Variants in AGMO observed in about 807,000 individuals in gnomAD.
AGMO encodes alkylglycerol monooxygenase.
AGMO carries 75 observed loss-of-function variants against 60.2 expected under a neutral mutation model. The ratio of observed to expected loss-of-function variants is 1.25; its 90% CI spans 1.03 to 1.51. AGMO has a LOEUF of 1.51. Among genes scored for constraint, AGMO ranks in the 40% most tolerant of loss-of-function variants. AGMO has a pLI of 0.00. For synonymous variants in AGMO, 261 were observed against 177.1 expected (o/e 1.47, Z -3.76); for missense variants, 763 against 525.5 (o/e 1.45, Z -4.42).
At chr7:15,241,906 A>C (rs1782602154) in intron 12 of AGMO, among the ~76,000 whole-genome samples, 1 of 152,088 alleles carries the variant, frequency 6.6e-6, no homozygotes, top group Non-Finnish European at 1.5e-5. Flanking sequence ...CAGTTCCTTG[A>C]GGTTACGACT....
At chr7:15,176,669 A>G in the AGMO span, among the ~76,000 whole-genome samples, 1 of 151,960 alleles carries the variant, frequency 6.6e-6, no homozygotes, top group Non-Finnish European at 1.5e-5. Context: ...TAATTTATGT[A>G]CTAGTTGGGT....
chr7:15,130,052 T>C, the AGMO span, among the ~76,000 whole-genome samples: 1 of 152,100 alleles, frequency 6.6e-6, no homozygotes, highest in Admixed American at 6.6e-5. Flanking sequence ...AAGTGCTACA[T>C]GCGATTCCTC....
intron 12 of AGMO, among the ~76,000 whole-genome samples, chr7:15,302,953 T>C (rs986197158): frequency 5.3e-5 from 8 of 152,140 alleles, no homozygotes; most frequent in Admixed American, 5.2e-4. Flanking sequence ...TTGTAATCAG[T>C]ACAAAACCAC....
At position 15,514,607 on chromosome 7, in the gene AGMO, G is replaced by A. The variant is rs117088244; in HGVS notation, c.409+30165C>T. ...GGGCATTTAAAAACTTGGAAAGGAA[G>A]TAAAGAAATGCCTTAAGAGAGTATA... On this transcript the variant is annotated intron_variant, in intron 3 of 12. Coordinates refer to ENST00000342526, the MANE Select transcript of AGMO (RefSeq NM_001004320.2). 3.6e-3 allele frequency among the ~76,000 whole-genome samples: 550 copies of A among 152,204 alleles called. 2 individuals carry two copies. The highest frequency in any genetic ancestry group is 0.012 in the African/African-American group (517 of 41,528).
At position 15,357,079 on chromosome 7, in the gene AGMO, G is replaced by C. The variant is rs1171764637; in HGVS notation, c.1263+8435C>G. ...GCGGAGGATGCAGTGAGCCAAGATT[G>C]CACCATTGCACAGAAGCGAGACTCT... On this transcript the variant is annotated intron_variant, in intron 12 of 12. Coordinates refer to ENST00000342526, the MANE Select transcript of AGMO (RefSeq NM_001004320.2). Among the ~76,000 whole-genome samples, 7 of 150,810 alleles carry C rather than the reference G, an allele frequency of 4.6e-5. No individual in the cohort carries two copies. The South Asian group carries it at 1.5e-3, about 32-fold the overall frequency.
At chr7:15,237,309 C>T (rs1782452542) in intron 12 of AGMO, among the ~76,000 whole-genome samples, 2 of 152,102 alleles carry the variant, frequency 1.3e-5, no homozygotes, top group Admixed American at 6.6e-5. Context: ...GAAACATTTT[C>T]ACTAGAACAG....
At chr7:15,246,431 T>TA (rs1005399290) in intron 12 of AGMO, among the ~76,000 whole-genome samples, 29 of 152,292 alleles carry the variant, frequency 1.9e-4, no homozygotes, top group African/African-American at 7.0e-4. Context: ...GTAGATTTTT[T>TA]AAAAAATTGC....
intron 2 of AGMO, among the ~76,000 whole-genome samples, chr7:15,556,173 C>G (rs1455764385): frequency 6.7e-6 from 1 of 150,314 alleles, no homozygotes; most frequent in African/African-American, 2.4e-5. Flanking sequence ...GGCCCCACCC[C>G]AAAGAGTCAA....
the AGMO span, among the ~76,000 whole-genome samples, chr7:15,150,096 G>T: frequency 6.6e-6 from 1 of 152,048 alleles, no homozygotes; most frequent in African/African-American, 2.4e-5. Flanking sequence ...TTGGCCCTCA[G>T]CTTGGACATT....
chr7:15,451,303 A>G (rs758541749), intron 3 of AGMO, among the ~76,000 whole-genome samples: 5 of 114,756 alleles, frequency 4.4e-5, no homozygotes, highest in Non-Finnish European at 1.0e-4. Context: ...CTATATTTGA[A>G]GAAGATAAAA....
intron 12 of AGMO, 71 bp from the exon 13 acceptor site, chr7:15,201,430 A>T (rs1583287329): frequency 1.8e-6 from 2 of 1,109,644 alleles, no homozygotes; most frequent in African/African-American, 1.6e-5. Flanking sequence ...CTGAATTAAA[A>T]ATATTTCCCT....
intron 12 of AGMO, among the ~76,000 whole-genome samples, chr7:15,215,073 A>G (rs1781697176): frequency 6.6e-6 from 1 of 152,130 alleles, no homozygotes; most frequent in Admixed American, 6.6e-5. Context: ...ACCTTCTGTT[A>G]TAAGTAGAGT....
intron 5 of AGMO, among the ~76,000 whole-genome samples, chr7:15,410,338 C>G (rs1454495342): frequency 1.3e-5 from 2 of 151,676 alleles, no homozygotes; most frequent in African/African-American, 4.8e-5. Flanking sequence ...ATATGTTGAA[C>G]TTGTCATATG....
intron 3 of AGMO, among the ~76,000 whole-genome samples, chr7:15,527,008 CCTGT>C (rs1784145770): frequency 6.6e-6 from 1 of 152,076 alleles, no homozygotes; most frequent in African/African-American, 2.4e-5. Flanking sequence ...CTGCAGTTCC[CCTGT>C]CTTTCTCTCT....
intron 5 of AGMO, among the ~76,000 whole-genome samples, chr7:15,407,146 A>G (rs145663051): frequency 0.095 from 13,377 of 140,176 alleles, 720 homozygotes; most frequent in South Asian, 0.15. Flanking sequence ...ACACATATAG[A>G]TATATGTATA....
At chr7:15,265,407 C>A (rs934712905) in intron 12 of AGMO, among the ~76,000 whole-genome samples, 3 of 151,838 alleles carry the variant, frequency 2.0e-5, no homozygotes, top group African/African-American at 7.3e-5. Context: ...ACCCATGTAA[C>A]AAACCTGCAC....
At chr7:15,211,884 A>G (rs1213994435) in intron 12 of AGMO, among the ~76,000 whole-genome samples, 1 of 152,026 alleles carries the variant, frequency 6.6e-6, no homozygotes, top group East Asian at 1.9e-4. Flanking sequence ...GACAAACATA[A>G]AAAGAATAAC....
intron 2 of AGMO, among the ~76,000 whole-genome samples, chr7:15,558,764 C>T (rs991354344): frequency 6.6e-6 from 1 of 151,978 alleles, no homozygotes; most frequent in Non-Finnish European, 1.5e-5. Flanking sequence ...TTTAAGTTTA[C>T]TTTTATTTAA....
At chr7:15,331,061 T>C (rs578204339) in intron 12 of AGMO, among the ~76,000 whole-genome samples, 1 of 152,230 alleles carries the variant, frequency 6.6e-6, no homozygotes, top group Non-Finnish European at 1.5e-5. Flanking sequence ...AGCTATCCTT[T>C]GAGAACCTTT....
Sources: gnomAD v4.1 joint callset for allele counts (sites outside exome capture counted in the v4.1 genomes callset) on GRCh38, gnomAD v4.1.1 for gene constraint, MANE v1.5 for transcripts, NCBI Gene and HGNC (gene_info 2026-07-23, HGNC 2026-07-21) for gene names.